Variants in WDR47 observed in about 807,000 individuals in gnomAD.
The protein encoded by WDR47 is WD repeat domain 47.
Under a neutral mutation model 97.2 loss-of-function variants are expected in WDR47, and 32 were observed. The ratio of observed to expected loss-of-function variants is 0.33; its 90% confidence interval spans 0.25 to 0.44. The LOEUF (loss-of-function observed/expected upper bound fraction) is 0.44, where lower values mean the gene tolerates loss of function less well. Among genes scored for constraint, WDR47 ranks in the 20% least tolerant of loss-of-function variants. The pLI is 1.00. For missense variants in WDR47, 782 were observed against 1,102.3 expected (o/e 0.71, Z 4.11); for synonymous variants, 375 against 373.5 (o/e 1.00, Z -0.05).
chr1:109,022,191 T>C (rs1344786089), intron 2 of WDR47, among the ~76,000 whole-genome samples: 3 of 152,110 alleles, frequency 2.0e-5, no homozygotes, highest in Admixed American at 1.3e-4. Context: ...CAGAGAAACC[T>C]TGTGATGTTA....
At chr1:109,011,940 TGTTC>T (rs1370219068) in intron 4 of WDR47, among the ~76,000 whole-genome samples, 1 of 152,062 alleles carries the variant, frequency 6.6e-6, no homozygotes, top group Non-Finnish European at 1.5e-5. Flanking sequence ...ATAAAAACAC[TGTTC>T]TATTATAATT....
At position 109,028,362 on chromosome 1, in the gene WDR47, GTTT is replaced by G. The variant is rs372929187; in HGVS notation, c.-9-4844_-9-4842del. Among the ~76,000 whole-genome samples, 6 of 79,802 alleles carry G rather than the reference GTTT, an allele frequency of 7.5e-5. No individual in the cohort carries two copies. In the South Asian group the frequency reaches 2.8e-3, roughly 38 times the overall value. The allele number at this position is 79,802 out of a possible 152,430, so 52.4% of individuals were successfully genotyped here. A position where few individuals can be genotyped will look rare whatever the true frequency, so the allele number is the denominator to read the frequency against. On this transcript the variant is annotated intron_variant, in intron 1 of 14. Transcript: ENST00000369962. ...ACTGGGCCCAGCTAATTTTTGTTGG[GTTT>G]TTTTTTTTTTTTTTTTTTTGTAGAG...
chr1:108,978,460 CCT>C (rs1462559531), intron 13 of WDR47, among the ~76,000 whole-genome samples: 2 of 150,948 alleles, frequency 1.3e-5, no homozygotes, highest in African/African-American at 4.9e-5. Context: ...GCCTGGGCAA[CCT>C]GGGTGACAGA....
intron 7 of WDR47, 96 bp from the exon 8 acceptor site, chr1:108,995,933 C>T: frequency 8.2e-7 from 1 of 1,225,236 alleles, no homozygotes; most frequent in Non-Finnish European, 1.1e-6. Flanking sequence ...AAAATATGCA[C>T]ATATAATATA....
intron 1 of WDR47, chr1:109,030,413 G>A (rs2102029643): frequency 2.6e-6 from 1 of 382,646 alleles, no homozygotes; most frequent in South Asian, 8.4e-5. Flanking sequence ...AAAATTAAAT[G>A]TTCATCTGCA....
intron 1 of WDR47, among the ~76,000 whole-genome samples, chr1:109,036,896 T>A (rs1287688345): frequency 1.3e-5 from 2 of 152,150 alleles, no homozygotes; most frequent in Non-Finnish European, 2.9e-5. Context: ...GATCAAGAAC[T>A]ATATACAGTG....
chr1:108,982,127 G>A (rs1485926069), intron 12 of WDR47, among the ~76,000 whole-genome samples: 4 of 152,014 alleles, frequency 2.6e-5, no homozygotes, highest in Non-Finnish European at 5.9e-5. Context: ...TATTTACAGG[G>A]CAAGTGGTGG....
chr1:109,011,279 A>G lies in WDR47; in HGVS notation c.767T>C (p.Phe256Ser), dbSNP rs758294572. Residue 256 changes from phenylalanine to serine, a missense_variant, in exon 5 of 15, where the codon TTC (phenylalanine) becomes TCC (serine). Physicochemically the swap from Phe to Ser is radical, Grantham distance 155 (BLOSUM62 -2). Around this residue, in one of 3 missense-constraint regions of WDR47, gnomAD observed 428 missense variants for 584.3 expected, o/e 0.73. Coordinates refer to ENST00000369962, the MANE Select transcript of WDR47 (RefSeq NM_001142551.2). ...CATTTTCTGTTCAAAAGCACAAGAG[A>G]AGACAGAAGATGGAAGATTCTGAAG... ...SWLQNLPSSV[F>S]SCAFEQKMLN... is the part of the protein sequence containing the mutation. 1 of 1,614,182 alleles carries G rather than the reference A, an allele frequency of 6.2e-7. No individual in the cohort carries two copies. The highest frequency in any genetic ancestry group is 8.5e-7 in the Non-Finnish European group (1 of 1,180,030).
rs1411204314 is a variant in WDR47 at position 108,978,275 on chromosome 1, A to C, written c.2398+3458T>G. Among the ~76,000 whole-genome samples the C allele has an allele frequency of 2.0e-5, 3 of 152,016 alleles. 1 individual carries two copies. Among genetic ancestry groups the C allele is most frequent in the Non-Finnish European group, 4.4e-5 (3 of 68,002 alleles). Reference sequence around the variant, plus strand: ...CGGATCACGAGGTCAGGAGATCGAGACCATCCTGGCTAACATGGTGAAACC... The same window carrying C: ...CGGATCACGAGGTCAGGAGATCGAGCCCATCCTGGCTAACATGGTGAAACC... On this transcript the variant is annotated intron_variant, in intron 13 of 14. Coordinates refer to ENST00000369962, the MANE Select transcript of WDR47 (RefSeq NM_001142551.2).
chr1:108,992,452 T>G lies in WDR47; in HGVS notation c.1692-1123A>C, dbSNP rs1321222544. The G allele has an allele frequency of 1.9e-6, 3 of 1,589,884 alleles. No individual in the cohort carries two copies. In the African/African-American group the frequency reaches 4.0e-5, roughly 21 times the overall value. ...AAGATGTCACTTTACAGAAACAGTG[T>G]GTACCATTCCGACGTTACAATGGTG... On this transcript the variant is annotated intron_variant, in intron 8 of 14. Coordinates refer to ENST00000369962, the MANE Select transcript of WDR47 (RefSeq NM_001142551.2).
chr1:109,004,582 TA>T lies in WDR47; in HGVS notation c.1254+9del, dbSNP rs986830822. The T allele has an allele frequency of 1.2e-6, 2 of 1,607,692 alleles. No individual in the cohort carries two copies. Among genetic ancestry groups the T allele is most frequent in the Non-Finnish European group, 1.7e-6 (2 of 1,178,016 alleles). ...TAACTCTGAAAAACACTAGGTTTAG[TA>T]AATATTACCTCATTTTTTTCTTGTT... On this transcript the variant is annotated intron_variant, in intron 6 of 14. Transcript: ENST00000369962.
chr1:108,991,305 C>T lies in WDR47; in HGVS notation c.1716G>A (p.Lys572=). 1.2e-6 allele frequency: 2 copies of T among 1,612,166 alleles called. No individual in the cohort carries two copies. Among genetic ancestry groups the T allele is most frequent in the Non-Finnish European group, 1.7e-6 (2 of 1,178,668 alleles). Residue 572 remains lysine, a synonymous_variant, in exon 9 of 15, where the codon AAG becomes AAA. Coordinates refer to ENST00000369962, the MANE Select transcript of WDR47 (RefSeq NM_001142551.2). ...SQISSEHSVI[K]PPLGDSPGSL... Reference sequence around the variant, plus strand: ...TCCCTGGAGAATCTCCAAGAGGTGGCTTAATGACCGAATGTTCTGAAGAGC... The same window carrying T: ...TCCCTGGAGAATCTCCAAGAGGTGGTTTAATGACCGAATGTTCTGAAGAGC...
chr1:108,986,539 C>G lies in WDR47; in HGVS notation c.1909G>C (p.Asp637His). The stretch of plus-strand genomic sequence containing the variant: ...GATCCTTACCTTGGATCAATTACAT[C>G]TGGATAGGCACATACTCTCAGAGTT... ...SKTLRVCAYPDVIDPSAHETP... is the reference protein window; with the variant it reads ...SKTLRVCAYPHVIDPSAHETP... Residue 637 changes from aspartate (D) to histidine (H), a missense_variant, in exon 10 of 15, where the codon GAT becomes CAT. This residue lies in a region of WDR47 where 228 missense variants were observed against 396.7 expected (regional missense o/e 0.57). Coordinates refer to ENST00000369962, the MANE Select transcript of WDR47 (RefSeq NM_001142551.2). 6.2e-7 allele frequency: 1 copy of G among 1,610,006 alleles called. No homozygotes were observed. Among genetic ancestry groups the G allele is most frequent in the Non-Finnish European group, 8.5e-7 (1 of 1,178,178 alleles).
chr1:109,014,829 A>C (rs1196691862), intron 3 of WDR47, among the ~76,000 whole-genome samples: 1 of 152,206 alleles, frequency 6.6e-6, no homozygotes, highest in Non-Finnish European at 1.5e-5. Flanking sequence ...TTATTGCCTG[A>C]AGCAATTTAT....
chr1:109,004,708 G>T lies in WDR47; in HGVS notation c.1138C>A (p.Pro380Thr). 6.3e-7 allele frequency: 1 copy of T among 1,596,200 alleles called. No homozygotes were observed. Among genetic ancestry groups the T allele is most frequent in the Non-Finnish European group, 8.5e-7 (1 of 1,172,404 alleles). ...CCGATAGGCCTCTGTGCATCAACAG[G>T]TGTATCACTTCTTCCAGAAACGTGC... ...IYEESPERDT[P>T]VDAQRPIGSE... Residue 380 changes from proline (P) to threonine (T), a missense_variant, in exon 6 of 15, where the codon CCT (proline) becomes ACT (threonine). By Grantham distance (38) the Pro-to-Thr change is conservative. Transcript: ENST00000369962.
intron 2 of WDR47, among the ~76,000 whole-genome samples, chr1:109,020,310 C>T (rs1049746523): frequency 6.6e-6 from 1 of 151,130 alleles, no homozygotes; most frequent in African/African-American, 2.4e-5. Flanking sequence ...GATCTCAGCT[C>T]ACTGCAAGCT....
chr1:108,977,577 C>A (rs994694750), intron 13 of WDR47, among the ~76,000 whole-genome samples: 2 of 152,136 alleles, frequency 1.3e-5, no homozygotes, highest in East Asian at 1.9e-4. Flanking sequence ...TAAGGCCAGG[C>A]GCGGTGGCTC....
At chr1:108,985,587 T>G (rs1479399640) in intron 10 of WDR47, among the ~76,000 whole-genome samples, 1 of 152,198 alleles carries the variant, frequency 6.6e-6, no homozygotes, top group Non-Finnish European at 1.5e-5. Context: ...ACATGTTTGT[T>G]TTACACACAA....
chr1:109,001,902 AAGC>A (rs10581443), intron 7 of WDR47, among the ~76,000 whole-genome samples: 20,516 of 151,394 alleles, frequency 0.14, 1,410 homozygotes, highest in African/African-American at 0.17. Context: ...AAAAAAAAAA[AAGC>A]AGCAGATAAA....
Sources: gnomAD v4.1 joint callset for allele counts (sites outside exome capture counted in the v4.1 genomes callset) on GRCh38, gnomAD v4.1.1 for gene constraint, gnomAD v4.1.1 regional missense constraint, MANE v1.5 for transcripts, NCBI Gene and HGNC (gene_info 2026-07-23, HGNC 2026-07-21) for gene names.